The following CMYA5 variants were observed in gnomAD, a reference collection of about 807,000 sequenced individuals.
CMYA5 encodes cardiomyopathy associated 5, also known as cardiomyopathy-associated protein 5.
A neutral mutation model predicts 318.9 loss-of-function variants in CMYA5; 246 were observed. The ratio of observed to expected loss-of-function variants is 0.77; its 90% CI spans 0.70 to 0.86. The LOEUF is 0.86. CMYA5 is among the 40% of genes least tolerant of loss of function. The pLI is 0.00. For synonymous variants in CMYA5, 1,641 were observed against 1,729.5 expected, an observed-to-expected ratio of 0.95 and a Z score of 1.27; for missense variants, 4,589 against 4,678.2, an observed-to-expected ratio of 0.98 and a Z score of 0.56.
At chr5:79,712,733 A>G (rs1159214780) in intron 1 of CMYA5, among the ~76,000 whole-genome samples, 1 of 152,054 alleles carries the variant, frequency 6.6e-6, no homozygotes, top group Non-Finnish European at 1.5e-5. Context: ...ATCTGATCAG[A>G]TTTCTTCTAC....
intron 1 of CMYA5, among the ~76,000 whole-genome samples, chr5:79,723,325 G>T (rs948124683): frequency 6.6e-6 from 1 of 151,880 alleles, no homozygotes; most frequent in Non-Finnish European, 1.5e-5. Flanking sequence ...TGTAATCCCA[G>T]CTACTCGGGA....
chr5:79,736,572 G>T lies in CMYA5; in HGVS notation c.7807G>T (p.Ala2603Ser), dbSNP rs770958823. ...TACTGAAAAATCAGAAGCCATGCTC[G>T]CAGAGGCTCACCCAGAAATCAGAGA... ...SVTEKSEAMLAEAHPEIREAK... is the reference protein window; with the variant it reads ...SVTEKSEAMLSEAHPEIREAK... Residue 2603 changes from alanine to serine, a missense_variant, in exon 2 of 13, where the codon GCA (alanine) becomes TCA (serine). Coordinates refer to ENST00000446378, the MANE Select transcript of CMYA5 (RefSeq NM_153610.5). 3.1e-6 allele frequency: 5 copies of T among 1,613,690 alleles called. No homozygotes were observed. The highest frequency in any genetic ancestry group is 2.2e-5 in the South Asian group (2 of 91,076).
At chr5:79,697,400 G>A (rs1827088138) in intron 1 of CMYA5, among the ~76,000 whole-genome samples, 1 of 152,152 alleles carries the variant, frequency 6.6e-6, no homozygotes, top group South Asian at 2.1e-4. Flanking sequence ...AGACAGCCTG[G>A]CTGCTGATGA....
In CMYA5 at chr5:79,736,208, C is replaced by T. The variant is rs754869023; in HGVS notation, c.7443C>T (p.Ala2481=). The T allele has an allele frequency of 1.2e-6, 2 of 1,613,420 alleles. No individual in the cohort carries two copies. The highest frequency in any genetic ancestry group is 1.1e-5 in the South Asian group (1 of 91,036). ...TGGCAGAAAAACAAAACTCTGTGGC[C>T]CCATTAGAGCTTAGAGATAGTAATG... is the stretch of plus-strand genomic sequence containing the variant. ...KVLAEKQNSV[A]PLELRDSNEI... Residue 2481 remains alanine, a synonymous_variant, in exon 2 of 13, where the codon GCC becomes GCT. Transcript: ENST00000446378.
intron 9 of CMYA5, among the ~76,000 whole-genome samples, chr5:79,778,556 T>A (rs928302145): frequency 6.6e-6 from 1 of 152,182 alleles, no homozygotes; most frequent in African/African-American, 2.4e-5. Context: ...CTTCTTTTTC[T>A]ATAAACTGAT....
intron 1 of CMYA5, among the ~76,000 whole-genome samples, chr5:79,701,983 G>A (rs894914808): frequency 2.6e-5 from 4 of 152,034 alleles, no homozygotes; most frequent in South Asian, 2.1e-4. Flanking sequence ...GAAAATTAGC[G>A]GGGCGTGGTG....
In CMYA5 at chr5:79,736,103, A is replaced by C; in HGVS notation, c.7338A>C (p.Thr2446=). Residue 2446 remains threonine, a synonymous_variant, in exon 2 of 13, where the codon ACA becomes ACC. Transcript: ENST00000446378. ...PTSLKISEEE[T]KLRSVSPTEK... ...CCTTGAAAATTTCTGAAGAGGAAAC[A>C]AAACTCAGGTCTGTTAGTCCAACTG... The C allele has an allele frequency of 6.2e-7, 1 of 1,613,016 alleles. No individual in the cohort carries two copies. The highest frequency in any genetic ancestry group is 8.5e-7 in the Non-Finnish European group (1 of 1,179,638).
intron 9 of CMYA5, chr5:79,763,529 A>G: frequency 7.2e-6 from 2 of 275,936 alleles, no homozygotes; most frequent in Middle Eastern, 1.2e-3. Flanking sequence ...GTTTTTTACT[A>G]GCTATATCAG....
intron 1 of CMYA5, 22 bp downstream of exon 1, chr5:79,690,078 G>C: frequency 2.8e-6 from 4 of 1,406,660 alleles, no homozygotes; most frequent in Non-Finnish European, 3.7e-6. Context: ...CTCTCTCCTC[G>C]GCCCAGGGCC....
At chr5:79,758,238 A>G (rs992177517) in intron 6 of CMYA5, among the ~76,000 whole-genome samples, 12 of 143,498 alleles carry the variant, frequency 8.4e-5, no homozygotes, top group Non-Finnish European at 1.6e-4. Flanking sequence ...TCAACAGATT[A>G]AAAAAAAAAA....
intron 1 of CMYA5, among the ~76,000 whole-genome samples, chr5:79,710,606 A>C (rs6898234): frequency 6.6e-6 from 1 of 152,012 alleles, no homozygotes; most frequent in Non-Finnish European, 1.5e-5. Flanking sequence ...TGGTCATCTG[A>C]GTGCTGGGAT....
In CMYA5 at chr5:79,739,089, T is replaced by C; in HGVS notation, c.10324T>C (p.Ser3442Pro). ...TCAAGACATATTATCAGAAGAACTG[T>C]CTTCAGAATCCACACCTGAAGATGT... ...VPQDILSEEL[S>P]SESTPEDVLS... is the part of the protein sequence containing the mutation. The change falls in exon 2 of 13, where the codon TCT (serine) becomes CCT (proline). Residue 3442 changes from serine to proline, a missense_variant. Around this residue, in one of 3 missense-constraint regions of CMYA5, gnomAD observed 2,431 missense variants for 2,495.1 expected, o/e 0.97. Transcript: ENST00000446378. 1 of 1,613,880 alleles carries C rather than the reference T, an allele frequency of 6.2e-7. No individual in the cohort carries two copies. The highest frequency in any genetic ancestry group is 8.5e-7 in the Non-Finnish European group (1 of 1,179,856).
At position 79,729,969 on chromosome 5, in the gene CMYA5, T is replaced by G. The variant is rs1827847339; in HGVS notation, c.1204T>G (p.Ser402Ala). ...RTTKEECELA[S>A]PGTAASENDS... ...AACAAAGGAAGAATGTGAGCTTGCT[T>G]CACCAGGAACTGCAGCTTCAGAGAA... Residue 402 changes from serine to alanine, a missense_variant, in exon 2 of 13, where the codon TCA becomes GCA. Physicochemically the swap from Ser to Ala is moderately conservative, Grantham distance 99. Coordinates refer to ENST00000446378, the MANE Select transcript of CMYA5 (RefSeq NM_153610.5). 1 of 1,613,854 alleles carries G rather than the reference T, an allele frequency of 6.2e-7. No homozygotes were observed. The highest frequency in any genetic ancestry group is 1.7e-5 in the Admixed American group (1 of 59,992).
Position 79,763,295 on chromosome 5 carries a change from C to T in CMYA5, c.11555+86C>T, listed in dbSNP as rs1009954574. The T allele has an allele frequency of 4.2e-5, 51 of 1,217,362 alleles. No individual in the cohort carries two copies. In the South Asian group the frequency reaches 6.8e-4, roughly 16 times the overall value. 75.4% of individuals were successfully genotyped at this position (1,217,362 alleles called of 1,614,324 possible). On this transcript the variant is annotated intron_variant, in intron 9 of 12. Transcript: ENST00000446378. ...AAACTACCCTCTAACTTCTGCTCAC[C>T]AAGGGAGAAATGCCGTCTAAAATCC...
At position 79,734,790 on chromosome 5, in the gene CMYA5, G is replaced by A. The variant is rs762740449; in HGVS notation, c.6025G>A (p.Glu2009Lys). ...AGAGAGAAACATAGCAGAGGGGAAG[G>A]AGATTCATTCTTTGATGGAGAGTGA... ...NVERNIAEGK[E>K]IHSLMESESL... The change falls in exon 2 of 13, where the codon GAG becomes AAG. Residue 2009 changes from glutamate to lysine, a missense_variant. Transcript: ENST00000446378. 1 of 1,613,742 alleles carries A rather than the reference G, an allele frequency of 6.2e-7. No homozygotes were observed. The highest frequency in any genetic ancestry group is 1.7e-4 in the Middle Eastern group (1 of 6,058).
Position 79,735,868 on chromosome 5 carries a change from G to T in CMYA5, c.7103G>T (p.Ser2368Ile), listed in dbSNP as rs1263371230. Residue 2368 changes from serine (S) to isoleucine (I), a missense_variant, in exon 2 of 13, where the codon AGT (serine) becomes ATT (isoleucine). Ser to Ile is a moderately radical substitution (Grantham distance 142). Coordinates refer to ENST00000446378, the MANE Select transcript of CMYA5 (RefSeq NM_153610.5). ...TCTATTTTTAAGGAAGAGCCAAGAAGTGATCAAAAACAAAAATCACTCCTT... is the reference window on the plus strand; with the variant it reads ...TCTATTTTTAAGGAAGAGCCAAGAATTGATCAAAAACAAAAATCACTCCTT... ...NISIFKEEPRSDQKQKSLLSF... is the reference protein window; with the variant it reads ...NISIFKEEPRIDQKQKSLLSF... The T allele has an allele frequency of 1.9e-6, 3 of 1,575,810 alleles. No homozygotes were observed. The highest frequency in any genetic ancestry group is 2.6e-6 in the Non-Finnish European group (3 of 1,167,792).
At chr5:79,764,362 G>A (rs533335068) in intron 9 of CMYA5, among the ~76,000 whole-genome samples, 5 of 152,170 alleles carry the variant, frequency 3.3e-5, no homozygotes, top group East Asian at 1.9e-4. Context: ...ATAGTATTTC[G>A]TGGTATATAA....
Position 79,799,873 on chromosome 5 carries a change from A to ACGGTGACTACCG in CMYA5, c.*257_*258insCGGTGACTACCG. The ACGGTGACTACCG allele has an allele frequency of 7.0e-6, 1 of 142,348 alleles. No individual in the cohort carries two copies. 8.8% of individuals were successfully genotyped at this position (142,348 alleles called of 1,614,324 possible). On this transcript the variant is annotated 3_prime_UTR_variant, in exon 13 of 13. Coordinates refer to ENST00000446378, the MANE Select transcript of CMYA5 (RefSeq NM_153610.5). ...AAGTTTGAGTTCTTTCCTAAATTAAAAGATCTACACTTGAGTTGGGAACCG... is the reference window on the plus strand; with the variant it reads ...AAGTTTGAGTTCTTTCCTAAATTAAACGGTGACTACCGAGATCTACACTTGAGTTGGGAACCG...
chr5:79,757,783 T>G (rs556629805), intron 6 of CMYA5, among the ~76,000 whole-genome samples: 8 of 152,290 alleles, frequency 5.3e-5, no homozygotes, highest in African/African-American at 1.9e-4. Flanking sequence ...CCTACATGAG[T>G]TTATTGCTCC....
Sources: allele counts gnomAD v4.1 joint callset (sites outside exome capture counted in the v4.1 genomes callset), GRCh38; gene constraint gnomAD v4.1.1; regional missense constraint gnomAD v4.1.1; transcripts MANE v1.5; gene names NCBI Gene and HGNC (gene_info 2026-07-23, HGNC 2026-07-21).